The following CDH6 variants were observed in gnomAD, a reference collection of about 807,000 sequenced individuals.
CDH6 encodes the protein cadherin 6, also known as cadherin-6.
In CDH6, 31 loss-of-function variants were observed where a neutral mutation model predicts 78.0. The observed-to-expected ratio is 0.40, with a 90% CI of 0.30 to 0.54. CDH6 has a LOEUF of 0.54. Ranked by LOEUF, CDH6 falls within the 20% of genes least tolerant of loss-of-function variation. The pLI is 0.56. For missense variants in CDH6, 724 were observed against 975.9 expected, an observed-to-expected ratio of 0.74 and a Z score of 3.44; for synonymous variants, 376 against 368.8, an observed-to-expected ratio of 1.02 and a Z score of -0.23.
intron 2 of CDH6, among the ~76,000 whole-genome samples, chr5:31,285,860 A>G (rs1010120118): frequency 1.3e-5 from 2 of 152,212 alleles, no homozygotes; most frequent in African/African-American, 4.8e-5. Context: ...TGAATTTGTT[A>G]TTAAAGAAAT....
At chr5:31,297,554 G>A in intron 4 of CDH6, 146 bp downstream of exon 4, 1 of 593,190 alleles carries the variant, frequency 1.7e-6, no homozygotes, top group Non-Finnish European at 2.8e-6. Context: ...TTGTAAACAT[G>A]ACATCTGAAT....
rs114544329 is a variant in CDH6 at position 31,246,200 on chromosome 5, G to A, written c.-128-21146G>A. On this transcript the variant is annotated intron_variant, in intron 1 of 11. Coordinates refer to ENST00000265071, the MANE Select transcript of CDH6 (RefSeq NM_004932.4). ...GCTGGGATTATAGCCATGAGCCACC[G>A]CACCCAGCCTTAACATTTTCTTAAT... 2.7e-3 allele frequency among the ~76,000 whole-genome samples: 410 copies of A among 151,890 alleles called. 7 individuals carry two copies. The highest frequency in any genetic ancestry group is 9.7e-3 in the African/African-American group (402 of 41,428).
rs1446227514 is a variant in CDH6, at chr5:31,323,316, C to T, written c.*8C>T. 1 of 1,595,494 alleles carries T rather than the reference C, an allele frequency of 6.3e-7. No homozygotes were observed. The highest frequency in any genetic ancestry group is 1.1e-5 in the South Asian group (1 of 90,310). On this transcript the variant is annotated 3_prime_UTR_variant, in exon 12 of 12. Transcript: ENST00000265071. ...AGTGACAAAGACTCCTAATCTGTTG[C>T]CTTTTTCATTTTCCAATACGACACT...
At chr5:31,208,243 C>T (rs570447468) in intron 1 of CDH6, among the ~76,000 whole-genome samples, 2 of 152,338 alleles carry the variant, frequency 1.3e-5, no homozygotes, top group African/African-American at 4.8e-5. Flanking sequence ...GCTTTATGCC[C>T]TGAGCCCTGG....
chr5:31,227,928 C>A (rs537159889), intron 1 of CDH6, among the ~76,000 whole-genome samples: 1 of 152,316 alleles, frequency 6.6e-6, no homozygotes, highest in South Asian at 2.1e-4. Flanking sequence ...CAAAACAATA[C>A]AAACTTATTC....
chr5:31,313,876 C>A (rs768084360), intron 8 of CDH6, among the ~76,000 whole-genome samples: 9 of 152,096 alleles, frequency 5.9e-5, no homozygotes, highest in Admixed American at 1.3e-4. Context: ...GATATCAATT[C>A]TCTAGCTTAC....
chr5:31,200,053 T>C (rs1020112278), intron 1 of CDH6, among the ~76,000 whole-genome samples: 13 of 152,032 alleles, frequency 8.6e-5, no homozygotes, highest in Admixed American at 1.3e-4. Context: ...GCAGAGGGCA[T>C]GGGAATGATT....
At chr5:31,203,376 T>C (rs1740422761) in intron 1 of CDH6, among the ~76,000 whole-genome samples, 1 of 135,196 alleles carries the variant, frequency 7.4e-6, no homozygotes, top group African/African-American at 2.8e-5. Context: ...TAGGTATATC[T>C]CCCAATGCTA....
intron 1 of CDH6, among the ~76,000 whole-genome samples, chr5:31,194,609 CA>C (rs1380311391): frequency 6.6e-6 from 1 of 152,078 alleles, no homozygotes; most frequent in African/African-American, 2.4e-5. Flanking sequence ...GCACACTGTC[CA>C]GGGAAAAGTC....
At position 31,316,209 on chromosome 5, in the gene CDH6, T is replaced by A; in HGVS notation, c.1392T>A (p.Asn464Lys). 1 of 1,602,130 alleles carries A rather than the reference T, an allele frequency of 6.2e-7. No homozygotes were observed. Among genetic ancestry groups the A allele is most frequent in the Non-Finnish European group, 8.5e-7 (1 of 1,176,826 alleles). Residue 464 changes from asparagine (N) to lysine (K), a missense_variant and splice_region_variant, in exon 9 of 12, where the codon AAT becomes AAA. Transcript: ENST00000265071. ...TTCTTTCTTTTTGGTTTGTGACAGATAATCCAAAGCAAAGTAGTCGAGTAC... is the reference window on the plus strand; with the variant it reads ...TTCTTTCTTTTTGGTTTGTGACAGAAAATCCAAAGCAAAGTAGTCGAGTAC... ...HNITVIATEI[N>K]NPKQSSRVPL...
intron 2 of CDH6, among the ~76,000 whole-genome samples, chr5:31,277,533 T>G (rs1393965636): frequency 1.3e-5 from 2 of 152,230 alleles, no homozygotes; most frequent in Non-Finnish European, 2.9e-5. Flanking sequence ...TTAATTACCC[T>G]GAATGTTTCA....
intron 11 of CDH6, among the ~76,000 whole-genome samples, chr5:31,322,186 T>A (rs530925403): frequency 6.6e-6 from 1 of 152,328 alleles, no homozygotes; most frequent in Admixed American, 6.5e-5. Context: ...CCCCTTCAAA[T>A]TAGCCAATCT....
Position 31,302,113 on chromosome 5 carries a change from A to T in CDH6, c.814A>T (p.Thr272Ser). The T allele has an allele frequency of 6.2e-7, 1 of 1,610,846 alleles. No homozygotes were observed. Among genetic ancestry groups the T allele is most frequent in the Non-Finnish European group, 8.5e-7 (1 of 1,177,422 alleles). ...NDNPPRFPQSTYQFKTPESSP... is the reference protein window; with the variant it reads ...NDNPPRFPQSSYQFKTPESSP... The stretch of plus-strand genomic sequence containing the variant: ...TATATCTGTCTGGTGATTAATAGGT[A>T]CATACCAGTTTAAAACTCCTGAATC... The change falls in exon 6 of 12, where the codon ACA becomes TCA. Residue 272 changes from threonine (T) to serine (S), a missense_variant and splice_region_variant. Physicochemically the swap from Thr to Ser is moderately conservative, Grantham distance 58. Around this residue, in one of 3 missense-constraint regions of CDH6, gnomAD observed 446 missense variants for 684.5 expected, o/e 0.65. Coordinates refer to ENST00000265071, the MANE Select transcript of CDH6 (RefSeq NM_004932.4).
At chr5:31,243,228 G>A (rs756112058) in intron 1 of CDH6, among the ~76,000 whole-genome samples, 2 of 152,110 alleles carry the variant, frequency 1.3e-5, no homozygotes, top group African/African-American at 2.4e-5. Context: ...GAGGTCGGCC[G>A]CTAGATACAG....
intron 2 of CDH6, among the ~76,000 whole-genome samples, chr5:31,269,139 T>G (rs917410689): frequency 1.1e-4 from 16 of 152,130 alleles, no homozygotes; most frequent in African/African-American, 3.9e-4. Context: ...ACAACACAAA[T>G]AGCATTGTTG....
intron 1 of CDH6, among the ~76,000 whole-genome samples, chr5:31,243,518 G>A (rs1334626629): frequency 6.6e-6 from 1 of 152,142 alleles, no homozygotes; most frequent in East Asian, 1.9e-4. Context: ...TAAGACTCAC[G>A]TCTGAGTCCC....
chr5:31,294,251 A>C lies in CDH6; in HGVS notation c.518A>C (p.Asp173Ala). ...VYTATVPEMSDVGTFVVQVTA... is the reference protein window; with the variant it reads ...VYTATVPEMSAVGTFVVQVTA... ...ACAGCCACTGTCCCTGAAATGTCTG[A>C]TGTCGGTGAGTGAGACGTGACTTCA... The change falls in exon 3 of 12, where the codon GAT becomes GCT. Residue 173 changes from aspartate to alanine, a missense_variant. By Grantham distance (126) the Asp-to-Ala change is moderately radical. Coordinates refer to ENST00000265071, the MANE Select transcript of CDH6 (RefSeq NM_004932.4). This position sits in a 1 kb window ranked among gnomAD's most constrained non-coding sequence, Gnocchi z 4.1. 1 of 1,611,362 alleles carries C rather than the reference A, an allele frequency of 6.2e-7. No individual in the cohort carries two copies. The highest frequency in any genetic ancestry group is 8.5e-7 in the Non-Finnish European group (1 of 1,178,454).
At chr5:31,266,710 G>A (rs181665187) in intron 1 of CDH6, among the ~76,000 whole-genome samples, 1 of 151,998 alleles carries the variant, frequency 6.6e-6, no homozygotes, top group East Asian at 1.9e-4. Context: ...CTTTATTGTT[G>A]CAAAATATCA....
intron 1 of CDH6, among the ~76,000 whole-genome samples, chr5:31,229,565 T>C (rs1040069214): frequency 1.3e-5 from 2 of 152,192 alleles, no homozygotes; most frequent in African/African-American, 2.4e-5. Context: ...CCTGATATTA[T>C]TGGCTAAACC....
Sources: allele counts gnomAD v4.1 joint callset (sites outside exome capture counted in the v4.1 genomes callset), GRCh38; gene constraint gnomAD v4.1.1; regional missense constraint gnomAD v4.1.1; non-coding constraint Gnocchi (gnomAD v3.1); transcripts MANE v1.5; gene names NCBI Gene and HGNC (gene_info 2026-07-23, HGNC 2026-07-21).